The following GSK3B variants were observed in gnomAD, a reference collection of about 807,000 sequenced individuals.
GSK3B encodes the protein glycogen synthase kinase 3 beta.
In GSK3B, 15 loss-of-function variants were observed where a neutral mutation model predicts 56.4. The ratio of observed to expected loss-of-function variants is 0.27; its 90% CI spans 0.18 to 0.41. The LOEUF is 0.41. Ranked by LOEUF, GSK3B falls within the 10% of genes least tolerant of loss-of-function variation. The pLI is 1.00. For missense variants in GSK3B, 300 were observed against 513.4 expected (o/e 0.58, Z 4.02); for synonymous variants, 181 against 188.9 (o/e 0.96, Z 0.34).
At chr3:119,980,001 C>T (rs1013966603) in intron 2 of GSK3B, among the ~76,000 whole-genome samples, 3 of 151,378 alleles carry the variant, frequency 2.0e-5, no homozygotes, top group Non-Finnish European at 1.5e-5. Context: ...AAAAAAAAAA[C>T]GTTATAGCTA....
At chr3:119,955,600 A>C (rs1346871380) in intron 2 of GSK3B, among the ~76,000 whole-genome samples, 1 of 152,052 alleles carries the variant, frequency 6.6e-6, no homozygotes, top group Non-Finnish European at 1.5e-5. Flanking sequence ...TACAGCGCTA[A>C]ATATTACAAG....
At chr3:119,959,955 A>G (rs1381841) in intron 2 of GSK3B, among the ~76,000 whole-genome samples, 12,977 of 152,056 alleles carry the variant, frequency 0.085, 690 homozygotes, top group Non-Finnish European at 0.11. Flanking sequence ...ATAGAAATAG[A>G]AATTTACGTT....
intron 1 of GSK3B, among the ~76,000 whole-genome samples, chr3:120,004,488 A>G (rs1576263917): frequency 6.6e-6 from 1 of 152,180 alleles, no homozygotes; most frequent in Non-Finnish European, 1.5e-5. Flanking sequence ...ACCCCTGTGT[A>G]GCCTGACTGG....
intron 1 of GSK3B, among the ~76,000 whole-genome samples, chr3:120,013,462 C>G (rs2057796341): frequency 6.6e-6 from 1 of 152,168 alleles, no homozygotes; most frequent in Non-Finnish European, 1.5e-5. Context: ...TGAGAAAAGT[C>G]ATGCCACAGT....
At chr3:119,962,377 A>ATT (rs2057280545) in intron 2 of GSK3B, among the ~76,000 whole-genome samples, 1 of 2,770 alleles carries the variant, frequency 3.6e-4, no homozygotes, top group Non-Finnish European at 6.1e-4. Context: ...CTCTGTCTCA[A>ATT]AAAAAAAAAA....
intron 2 of GSK3B, among the ~76,000 whole-genome samples, chr3:119,996,975 T>G (rs146440652): frequency 1.3e-5 from 2 of 152,146 alleles, no homozygotes; most frequent in African/African-American, 4.8e-5. Flanking sequence ...AATATTATCA[T>G]GTTTATATAT....
At chr3:119,860,976 TG>T (rs2056094136) in intron 9 of GSK3B, among the ~76,000 whole-genome samples, 1 of 152,196 alleles carries the variant, frequency 6.6e-6, no homozygotes, top group African/African-American at 2.4e-5. Flanking sequence ...AGACCCACAA[TG>T]TTTCTATCTC....
chr3:119,971,365 T>C (rs2057364581), intron 2 of GSK3B, among the ~76,000 whole-genome samples: 1 of 152,276 alleles, frequency 6.6e-6, no homozygotes, highest in East Asian at 1.9e-4. Flanking sequence ...GTATTAAAAC[T>C]CCTACAGGTA....
At chr3:119,859,184 T>TA (rs3031797) in intron 9 of GSK3B, among the ~76,000 whole-genome samples, 38,099 of 143,256 alleles carry the variant, frequency 0.27, 5,907 homozygotes, top group African/African-American at 0.45. Flanking sequence ...TTTGTGTATA[T>TA]AAAAAAAAAA....
At chr3:120,014,989 G>GA (rs2057811511) in intron 1 of GSK3B, among the ~76,000 whole-genome samples, 2 of 152,112 alleles carry the variant, frequency 1.3e-5, no homozygotes, top group South Asian at 4.2e-4. Context: ...TCTTTAAAAA[G>GA]AAAAAAATCA....
chr3:120,007,878 C>T (rs1446458460), intron 1 of GSK3B, among the ~76,000 whole-genome samples: 1 of 152,218 alleles, frequency 6.6e-6, no homozygotes, highest in Non-Finnish European at 1.5e-5. Context: ...TGCCCTCTCT[C>T]ATCCCTCCTA....
chr3:119,879,801 A>G (rs968155409), intron 7 of GSK3B, among the ~76,000 whole-genome samples: 2 of 152,180 alleles, frequency 1.3e-5, no homozygotes, highest in South Asian at 2.1e-4. Flanking sequence ...GTTGTTGCAT[A>G]TAACAGGATC....
At chr3:119,932,643 C>T (rs1369644431) in intron 3 of GSK3B, among the ~76,000 whole-genome samples, 1 of 150,990 alleles carries the variant, frequency 6.6e-6, no homozygotes, top group African/African-American at 2.4e-5. Flanking sequence ...AACATCTATA[C>T]TACCTTAAGA....
intron 1 of GSK3B, among the ~76,000 whole-genome samples, chr3:120,035,100 A>T (rs2058011271): frequency 6.6e-6 from 1 of 152,170 alleles, no homozygotes; most frequent in South Asian, 2.1e-4. Context: ...CTCAAAAAAA[A>T]AAATTAAAAT....
chr3:119,975,985 A>G lies in GSK3B; in HGVS notation c.282+26061T>C, dbSNP rs181130245. Among the ~76,000 whole-genome samples, 672 of 152,348 alleles carry G rather than the reference A, an allele frequency of 4.4e-3. 5 individuals carry two copies. The highest frequency in any genetic ancestry group is 0.015 in the African/African-American group (633 of 41,568). On this transcript the variant is annotated intron_variant, in intron 2 of 10. Coordinates refer to ENST00000264235, the MANE Select transcript of GSK3B (RefSeq NM_001146156.2). ...ATAAGCACATGAAAAGATATAGAAC[A>G]GCAGAAAATGCAAATTAATATGTCA...
chr3:119,849,635 T>C (rs1434274322), intron 9 of GSK3B, among the ~76,000 whole-genome samples: 1 of 152,096 alleles, frequency 6.6e-6, no homozygotes, highest in African/African-American at 2.4e-5. Context: ...GCCACAGCAG[T>C]TTTGTGTCTT....
chr3:120,085,867 T>C (rs1286595282), intron 1 of GSK3B, among the ~76,000 whole-genome samples: 1 of 152,122 alleles, frequency 6.6e-6, no homozygotes, highest in Non-Finnish European at 1.5e-5. Flanking sequence ...AGTGTTGCAT[T>C]TAAATAAGAT....
rs1396879565 is a variant in GSK3B, at chr3:119,947,370, A to C, written c.283-19T>G. 3 of 1,449,106 alleles carry C rather than the reference A, an allele frequency of 2.1e-6. No homozygotes were observed. The highest frequency in any genetic ancestry group is 2.3e-5 in the East Asian group (1 of 44,066). The allele number at this position is 1,449,106 out of a possible 1,614,324, so 89.8% of individuals were successfully genotyped here. On this transcript the variant is annotated intron_variant, in intron 2 of 10. Coordinates refer to ENST00000264235, the MANE Select transcript of GSK3B (RefSeq NM_001146156.2). ...CTCGATTCTGAAAAGGAAACACATA[A>C]AAATATATTTTTAAAGGATAACAGC...
intron 2 of GSK3B, among the ~76,000 whole-genome samples, chr3:119,968,159 T>C (rs1338237866): frequency 1.3e-5 from 2 of 151,962 alleles, no homozygotes; most frequent in Non-Finnish European, 2.9e-5. Flanking sequence ...CAGCCCATTT[T>C]TTATTTTTTA....
Sources: allele counts gnomAD v4.1 joint callset (sites outside exome capture counted in the v4.1 genomes callset), GRCh38; gene constraint gnomAD v4.1.1; transcripts MANE v1.5; gene names NCBI Gene and HGNC (gene_info 2026-07-23, HGNC 2026-07-21).